Variants in MTMR8 observed in about 807,000 individuals in gnomAD.
MTMR8 encodes phosphatidylinositol-3,5-bisphosphate 3-phosphatase MTMR8.
In MTMR8, 65 loss-of-function variants were observed where a neutral mutation model predicts 39.3. The ratio of observed to expected loss-of-function variants is 1.65; its 90% CI spans 1.35 to 2.03. The LOEUF (loss-of-function observed/expected upper bound fraction) is 2.03. MTMR8 is among the 30% of genes most tolerant of loss of function. The pLI, the probability that MTMR8 is intolerant of heterozygous loss-of-function variation, is 0.00. For missense variants in MTMR8, 777 were observed against 538.9 expected, an observed-to-expected ratio of 1.44 and a Z score of -4.37; for synonymous variants, 245 against 185.2, an observed-to-expected ratio of 1.32 and a Z score of -2.62.
At chrX:64,340,410 T>C (rs1923184244) in intron 8 of MTMR8, among the ~76,000 whole-genome samples, 1 of 110,752 alleles carries the variant, frequency 9.0e-6, no homozygotes, top group Non-Finnish European at 1.9e-5. Context: ...CCAACATCCT[T>C]AATGGAGGGG....
intron 12 of MTMR8, chrX:64,305,502 A>C: frequency 2.9e-6 from 1 of 339,054 alleles, no homozygotes; most frequent in Non-Finnish European, 5.4e-6. Flanking sequence ...ATGTGTCAGG[A>C]TTGCCCACAA....
At chrX:64,390,636 A>G (rs1383406907) in intron 1 of MTMR8, among the ~76,000 whole-genome samples, 10 of 111,362 alleles carry the variant, frequency 9.0e-5, no homozygotes, top group African/African-American at 3.3e-4. Context: ...ATTGAACTAT[A>G]ATTTACATAC....
intron 1 of MTMR8, among the ~76,000 whole-genome samples, chrX:64,364,635 A>T (rs1431937568): frequency 1.8e-5 from 2 of 112,086 alleles, no homozygotes; most frequent in Admixed American, 1.9e-4. Context: ...CCAAAGGTAG[A>T]TAAAACCACA....
intron 2 of MTMR8, among the ~76,000 whole-genome samples, chrX:64,356,830 A>T (rs1257009608): frequency 1.8e-5 from 2 of 111,371 alleles, no homozygotes; most frequent in Non-Finnish European, 3.8e-5. Flanking sequence ...TCAGGAATGA[A>T]AAAAAAACAA....
chrX:64,268,688 C>T lies in MTMR8; in HGVS notation c.1964G>A (p.Cys655Tyr). Reference protein sequence around the residue: ...ATGFSKDLGICGAMDISEATG... With the variant: ...ATGFSKDLGIYGAMDISEATG... ...GGCCTCAGAGATGTCCATGGCCCCA[C>T]AGATTCCTAAGTCTTTGGAGAAGCC... is the stretch of plus-strand genomic sequence containing the variant. The change falls in exon 14 of 14, where the codon TGT becomes TAT. Residue 655 changes from cysteine to tyrosine, a missense_variant. By Grantham distance (194) the Cys-to-Tyr change is radical. Coordinates refer to ENST00000374852, the MANE Select transcript of MTMR8 (RefSeq NM_017677.4). 1 of 1,211,611 alleles carries T rather than the reference C, an allele frequency of 8.3e-7. No homozygotes were observed. The highest frequency in any genetic ancestry group is 1.8e-5 in the South Asian group (1 of 56,964).
intron 10 of MTMR8, among the ~76,000 whole-genome samples, chrX:64,332,827 G>T (rs986565159): frequency 5.4e-5 from 6 of 111,701 alleles, no homozygotes; most frequent in African/African-American, 1.6e-4. Flanking sequence ...AGGCTGGCTA[G>T]TAGTTCTTAC....
intron 12 of MTMR8, among the ~76,000 whole-genome samples, chrX:64,280,153 A>T (rs1378214844): frequency 8.9e-6 from 1 of 112,188 alleles, no homozygotes; most frequent in Non-Finnish European, 1.9e-5. Flanking sequence ...TTCTGAAACT[A>T]TTCCAAACAA....
rs777454598 is a variant in MTMR8, at chrX:64,315,192, G to A, written c.1481+13580C>T. Among the ~76,000 whole-genome samples, 3 of 112,025 alleles carry A rather than the reference G, an allele frequency of 2.7e-5. No individual in the cohort carries two copies. The South Asian group carries it at 1.1e-3, about 42-fold the overall frequency. ...CCCTGCCAACTCAAGTGTCCATCAT[G>A]GTCTGGGGGTCTTCTCCTGCCAGGA... On this transcript the variant is annotated intron_variant, in intron 12 of 13. Coordinates refer to ENST00000374852, the MANE Select transcript of MTMR8 (RefSeq NM_017677.4).
intron 1 of MTMR8, among the ~76,000 whole-genome samples, chrX:64,362,359 C>CA (rs774792451): frequency 9.8e-6 from 1 of 101,979 alleles, no homozygotes; most frequent in African/African-American, 3.6e-5. Flanking sequence ...AAATCAACCT[C>CA]AAAAAAAAGT....
chrX:64,296,434 C>A (rs1921584578), intron 12 of MTMR8, among the ~76,000 whole-genome samples: 2 of 110,570 alleles, frequency 1.8e-5, no homozygotes, highest in Admixed American at 9.7e-5. Context: ...ACACTGTACA[C>A]TTAAAATGGT....
chrX:64,282,596 C>A (rs1243915780), intron 12 of MTMR8, among the ~76,000 whole-genome samples: 2 of 111,249 alleles, frequency 1.8e-5, no homozygotes, highest in Admixed American at 9.5e-5. Flanking sequence ...TATAAAAGAC[C>A]TAAAGGTAAG....
chrX:64,332,329 T>C (rs1922964733), intron 10 of MTMR8, among the ~76,000 whole-genome samples: 1 of 111,607 alleles, frequency 9.0e-6, no homozygotes, highest in Non-Finnish European at 1.9e-5. Context: ...TATCATCGAC[T>C]GAAACACTAT....
chrX:64,365,582 G>A (rs974585154), intron 1 of MTMR8, among the ~76,000 whole-genome samples: 2 of 111,630 alleles, frequency 1.8e-5, no homozygotes, highest in Non-Finnish European at 3.8e-5. Context: ...TCACCACCAG[G>A]CTTGCCTTAC....
rs373350525 is a variant in MTMR8, at chrX:64,286,553, A to G, written c.1482-15480T>C. Among the ~76,000 whole-genome samples, 5 of 112,145 alleles carry G rather than the reference A, an allele frequency of 4.5e-5. No individual in the cohort carries two copies. The East Asian group carries it at 8.4e-4, about 19-fold the overall frequency. Reference sequence around the variant, plus strand: ...AATATCCCTGATGAACATTGATGCAAAAATCCTCAATAAAATACTGGCAAA... The same window carrying G: ...AATATCCCTGATGAACATTGATGCAGAAATCCTCAATAAAATACTGGCAAA... On this transcript the variant is annotated intron_variant, in intron 12 of 13. Transcript: ENST00000374852.
At chrX:64,363,388 T>G (rs755891141) in intron 1 of MTMR8, among the ~76,000 whole-genome samples, 4 of 111,425 alleles carry the variant, frequency 3.6e-5, no homozygotes, top group African/African-American at 1.3e-4. Context: ...GTCCTCATGA[T>G]AATGACTGAA....
chrX:64,302,206 G>A (rs760447235), intron 12 of MTMR8, among the ~76,000 whole-genome samples: 1 of 112,669 alleles, frequency 8.9e-6, no homozygotes, highest in East Asian at 2.8e-4. Flanking sequence ...TGCTGTGCTA[G>A]CAATCAGCGA....
At chrX:64,373,667 G>T (rs890024304) in intron 1 of MTMR8, among the ~76,000 whole-genome samples, 1 of 111,123 alleles carries the variant, frequency 9.0e-6, no homozygotes, top group Non-Finnish European at 1.9e-5. Flanking sequence ...GGGAGAGGAA[G>T]GGAACTGAAA....
chrX:64,348,618 C>A (rs1252939473), intron 6 of MTMR8, 42 bp downstream of exon 6: 1 of 1,201,170 alleles, frequency 8.3e-7, no homozygotes, highest in East Asian at 3.0e-5. Flanking sequence ...AGGTAGAATG[C>A]AAGAGGCAGA....
chrX:64,301,608 C>T (rs1371824266), intron 12 of MTMR8, among the ~76,000 whole-genome samples: 2 of 112,129 alleles, frequency 1.8e-5, no homozygotes, highest in African/African-American at 6.5e-5. Context: ...AGCTTTGTTC[C>T]ATTGCTGGTG....
Sources: allele counts gnomAD v4.1 joint callset (sites outside exome capture counted in the v4.1 genomes callset), GRCh38; gene constraint gnomAD v4.1.1; transcripts MANE v1.5; gene names NCBI Gene and HGNC (gene_info 2026-07-23, HGNC 2026-07-21).